The following KCNIP4 variants were observed in gnomAD, a reference collection of about 807,000 sequenced individuals.
KCNIP4 encodes potassium voltage-gated channel interacting protein 4.
In KCNIP4, 12 loss-of-function variants were observed where a neutral mutation model predicts 34.0. That is an observed-to-expected ratio of 0.35 (90% confidence interval 0.23 to 0.57). KCNIP4 has a LOEUF of 0.57. Ranked by LOEUF, KCNIP4 falls within the 20% of genes least tolerant of loss-of-function variation. The pLI, the probability that KCNIP4 is intolerant of heterozygous loss-of-function variation, is 0.83. For synonymous variants in KCNIP4, 124 were observed against 102.2 expected (o/e 1.21, Z -1.29); for missense variants, 238 against 311.7 (o/e 0.76, Z 1.78).
intron 1 of KCNIP4, chr4:20,983,736 C>A: frequency 8.5e-7 from 1 of 1,182,138 alleles, no homozygotes; most frequent in South Asian, 1.4e-5. Context: ...AGTATTAAGG[C>A]TTCTTAACTT....
intron 1 of KCNIP4, among the ~76,000 whole-genome samples, chr4:21,583,650 G>A (rs1421791754): frequency 6.6e-6 from 1 of 151,926 alleles, no homozygotes; most frequent in South Asian, 2.1e-4. Context: ...TATGTTTAAA[G>A]GGTAAATTTT....
chr4:21,422,655 GTGTT>G (rs1725578630), intron 1 of KCNIP4, among the ~76,000 whole-genome samples: 1 of 121,432 alleles, frequency 8.2e-6, no homozygotes, highest in Non-Finnish European at 1.8e-5. Context: ...GTTTATGTGT[GTGTT>G]TGTGTGTGTG....
intron 1 of KCNIP4, among the ~76,000 whole-genome samples, chr4:21,376,311 A>G (rs528916849): frequency 1.3e-5 from 2 of 152,338 alleles, no homozygotes; most frequent in African/African-American, 2.4e-5. Context: ...TACTCCCTTC[A>G]AGATAAAACT....
At chr4:21,405,589 C>T (rs1261759633) in intron 1 of KCNIP4, among the ~76,000 whole-genome samples, 1 of 152,188 alleles carries the variant, frequency 6.6e-6, no homozygotes, top group Non-Finnish European at 1.5e-5. Context: ...ACTTGCTTTT[C>T]CTCTGTATGC....
At chr4:21,210,876 A>G (rs1421852962) in intron 1 of KCNIP4, among the ~76,000 whole-genome samples, 2 of 152,214 alleles carry the variant, frequency 1.3e-5, no homozygotes, top group African/African-American at 4.8e-5. Flanking sequence ...GCAAAAAAAG[A>G]TTAAAATTTA....
intron 1 of KCNIP4, among the ~76,000 whole-genome samples, chr4:21,668,404 C>A (rs756318590): frequency 1.3e-5 from 2 of 152,104 alleles, no homozygotes; most frequent in South Asian, 2.1e-4. Flanking sequence ...AACTGCATGT[C>A]ATCATTTACT....
At chr4:21,354,220 C>G (rs1018086432) in intron 1 of KCNIP4, among the ~76,000 whole-genome samples, 36 of 152,272 alleles carry the variant, frequency 2.4e-4, no homozygotes, top group African/African-American at 7.7e-4. Context: ...ACCATCGATG[C>G]TATGAAGAAA....
At chr4:20,930,069 G>A (rs1343147484) in intron 1 of KCNIP4, among the ~76,000 whole-genome samples, 1 of 151,818 alleles carries the variant, frequency 6.6e-6, no homozygotes, top group Non-Finnish European at 1.5e-5. Context: ...AATAGGCAAA[G>A]GAACAATGAG....
rs1391855519 is a variant in KCNIP4, at chr4:21,589,182, ATATATATATATATATATATG to A, written c.61+359369_61+359388del. On this transcript the variant is annotated intron_variant, in intron 1 of 8. Coordinates refer to ENST00000382152, the MANE Select transcript of KCNIP4 (RefSeq NM_025221.6). ...TATATATATATATATATATATATAT[ATATATATATATATATATATG>A]TGTACATATATAAGTACACATGTAT... Among the ~76,000 whole-genome samples the A allele has an allele frequency of 5.2e-3, 370 of 70,708 alleles. 16 individuals are homozygous for A. The highest frequency in any genetic ancestry group is 0.02 in the African/African-American group (337 of 16,702). The allele number at this position is 70,708 out of a possible 152,430, so 46.4% of individuals were successfully genotyped here.
intron 4 of KCNIP4, among the ~76,000 whole-genome samples, chr4:20,753,918 A>G (rs1754070345): frequency 6.6e-6 from 1 of 151,994 alleles, no homozygotes; most frequent in Admixed American, 6.6e-5. Flanking sequence ...TCATTCATTC[A>G]TTCATTCATT....
chr4:20,804,961 C>T (rs1159584577), intron 3 of KCNIP4, among the ~76,000 whole-genome samples: 2 of 152,068 alleles, frequency 1.3e-5, no homozygotes. Flanking sequence ...ACAGTTTCTT[C>T]TAATGGCAGG....
intron 1 of KCNIP4, among the ~76,000 whole-genome samples, chr4:21,647,860 A>G (rs1747138847): frequency 8.7e-6 from 1 of 114,356 alleles, no homozygotes; most frequent in Non-Finnish European, 1.7e-5. Flanking sequence ...TGCTACAATG[A>G]TGCTTTTTTT....
chr4:21,563,554 G>A (rs1219882844), intron 1 of KCNIP4, among the ~76,000 whole-genome samples: 1 of 152,096 alleles, frequency 6.6e-6, no homozygotes, highest in East Asian at 1.9e-4. Context: ...ATTAATGAAT[G>A]GGTGCTCTGT....
At chr4:21,627,154 A>T (rs901896147) in intron 1 of KCNIP4, among the ~76,000 whole-genome samples, 1 of 150,968 alleles carries the variant, frequency 6.6e-6, no homozygotes, top group African/African-American at 2.4e-5. Context: ...TAGATTCCAA[A>T]ATCTCCACCT....
intron 1 of KCNIP4, among the ~76,000 whole-genome samples, chr4:21,876,523 C>T (rs1726123597): frequency 6.6e-6 from 1 of 151,986 alleles, no homozygotes; most frequent in African/African-American, 2.4e-5. Context: ...GAAAAGACTC[C>T]CTTTCTCCAA....
At chr4:20,744,675 T>A (rs548558796) in intron 5 of KCNIP4, among the ~76,000 whole-genome samples, 2 of 152,082 alleles carry the variant, frequency 1.3e-5, no homozygotes, top group Admixed American at 1.3e-4. Flanking sequence ...GTAAATGACG[T>A]GTTAATGGGT....
At chr4:21,557,075 T>C (rs1189669936) in intron 1 of KCNIP4, among the ~76,000 whole-genome samples, 1 of 152,114 alleles carries the variant, frequency 6.6e-6, no homozygotes, top group Non-Finnish European at 1.5e-5. Flanking sequence ...TATAAATATA[T>C]GCATTGCATA....
chr4:21,665,609 G>T (rs1255854364), intron 1 of KCNIP4, among the ~76,000 whole-genome samples: 2 of 151,542 alleles, frequency 1.3e-5, no homozygotes, highest in Non-Finnish European at 2.9e-5. Context: ...AGCACAGATA[G>T]GAACATTTCA....
intron 1 of KCNIP4, among the ~76,000 whole-genome samples, chr4:21,051,452 A>G (rs148341825): frequency 2.6e-5 from 4 of 152,316 alleles, no homozygotes; most frequent in African/African-American, 9.6e-5. Context: ...TCCCTTAATT[A>G]CATGTTTTAC....
Sources: gnomAD v4.1 joint callset for allele counts (sites outside exome capture counted in the v4.1 genomes callset) on GRCh38, gnomAD v4.1.1 for gene constraint, MANE v1.5 for transcripts, NCBI Gene and HGNC (gene_info 2026-07-23, HGNC 2026-07-21) for gene names.